The following GFRAL variants were observed in gnomAD, a reference collection of about 807,000 sequenced individuals.
The protein encoded by GFRAL is GDNF family receptor alpha like.
Under a neutral mutation model 45.4 loss-of-function variants are expected in GFRAL, and 36 were observed. That is an observed-to-expected ratio of 0.79 (90% CI 0.61 to 1.05). The LOEUF (loss-of-function observed/expected upper bound fraction) is 1.05, where lower values mean the gene tolerates loss of function less well. Among genes scored for constraint, GFRAL ranks in the 50% least tolerant of loss-of-function variants. GFRAL has a pLI of 0.00. For missense variants in GFRAL, 507 were observed against 467.5 expected (o/e 1.08, Z -0.78); for synonymous variants, 166 against 154.1 (o/e 1.08, Z -0.57).
chr6:55,380,994 C>T (rs1010230146), intron 6 of GFRAL, among the ~76,000 whole-genome samples: 11 of 151,968 alleles, frequency 7.2e-5, no homozygotes, highest in Non-Finnish European at 1.6e-4. Flanking sequence ...TTAATAAAAA[C>T]ATTTCAAGCT....
At chr6:55,346,952 T>A (rs944997960) in intron 3 of GFRAL, among the ~76,000 whole-genome samples, 1 of 151,978 alleles carries the variant, frequency 6.6e-6, no homozygotes, top group African/African-American at 2.4e-5. Flanking sequence ...ATTAATTTTT[T>A]AATTTGTTGG....
chr6:55,338,946 A>G (rs913598805), intron 3 of GFRAL, among the ~76,000 whole-genome samples: 2 of 152,182 alleles, frequency 1.3e-5, no homozygotes, highest in African/African-American at 4.8e-5. Flanking sequence ...CTCAAAAGTT[A>G]TCACAGGCAA....
At chr6:55,372,706 G>A (rs555739660) in intron 6 of GFRAL, among the ~76,000 whole-genome samples, 4 of 152,176 alleles carry the variant, frequency 2.6e-5, no homozygotes, top group South Asian at 2.1e-4. Context: ...TCAGTCACAC[G>A]GCCACACTTA....
chr6:55,371,470 C>T (rs1266521826), intron 6 of GFRAL, among the ~76,000 whole-genome samples: 3 of 151,234 alleles, frequency 2.0e-5, no homozygotes, highest in Non-Finnish European at 4.4e-5. Flanking sequence ...CATCTAGGAC[C>T]TACAGAAAAA....
At position 55,402,141 on chromosome 6, in the gene GFRAL, C is replaced by A; in HGVS notation, c.*288C>A. The A allele has an allele frequency of 4.3e-6, 1 of 233,006 alleles. No individual in the cohort carries two copies. Among genetic ancestry groups the A allele is most frequent in the Non-Finnish European group, 8.2e-6 (1 of 122,130 alleles). The allele number at this position is 233,006 out of a possible 1,614,324, so 14.4% of individuals were successfully genotyped here. A position where few individuals can be genotyped will look rare whatever the true frequency, so the allele number is the denominator to read the frequency against. On this transcript the variant is annotated 3_prime_UTR_variant, in exon 9 of 9. Coordinates refer to ENST00000340465, the MANE Select transcript of GFRAL (RefSeq NM_207410.2). Reference sequence around the variant, plus strand: ...TACAGGTACCCGCCACCACGCCCAGCTAATTTTTTTGTATTTTTAGTAGAG... The same window carrying A: ...TACAGGTACCCGCCACCACGCCCAGATAATTTTTTTGTATTTTTAGTAGAG...
At chr6:55,332,544 C>T (rs142827135) in intron 2 of GFRAL, among the ~76,000 whole-genome samples, 1,985 of 152,100 alleles carry the variant, frequency 0.013, 23 homozygotes, top group Non-Finnish European at 0.022. Flanking sequence ...CTGCCTCAGC[C>T]TCCAGAGTAG....
At chr6:55,333,350 T>A (rs1345124897) in intron 2 of GFRAL, among the ~76,000 whole-genome samples, 2 of 152,238 alleles carry the variant, frequency 1.3e-5, no homozygotes, top group Non-Finnish European at 1.5e-5. Flanking sequence ...ACCACATAAT[T>A]TTTAATGATA....
Position 55,327,574 on chromosome 6 carries a change from T to G in GFRAL, c.20T>G (p.Leu7Trp). 1 of 1,612,850 alleles carries G rather than the reference T, an allele frequency of 6.2e-7. No homozygotes were observed. The highest frequency in any genetic ancestry group is 1.1e-5 in the South Asian group (1 of 91,026). The change falls in exon 1 of 9, where the codon TTG becomes TGG. Residue 7 changes from leucine (L) to tryptophan (W), a missense_variant and splice_region_variant. Physicochemically the swap from Leu to Trp is moderately conservative, Grantham distance 61 (BLOSUM62 -2). Coordinates refer to ENST00000340465, the MANE Select transcript of GFRAL (RefSeq NM_207410.2). ...TCCAGCATGATAGTGTTTATTTTCTTGGGTAAGTGAATGGTGCTTCTGGTT... is the reference window on the plus strand; with the variant it reads ...TCCAGCATGATAGTGTTTATTTTCTGGGGTAAGTGAATGGTGCTTCTGGTT... MIVFIF[L>W]AMGLSLENEY...
Position 55,402,043 on chromosome 6 carries a change from CT to C in GFRAL, c.*191del, listed in dbSNP as rs1403349558. On this transcript the variant is annotated 3_prime_UTR_variant, in exon 9 of 9. Coordinates refer to ENST00000340465, the MANE Select transcript of GFRAL (RefSeq NM_207410.2). The stretch of plus-strand genomic sequence containing the variant: ...CCAGGCTGCAGTACAATGGCTCAAT[CT>C]CGGTTCACTGCAACCTCTGCCTCCA... 1.1e-5 allele frequency: 5 copies of C among 456,240 alleles called. No individual in the cohort carries two copies. The highest frequency in any genetic ancestry group is 1.5e-5 in the Non-Finnish European group (4 of 261,434). The allele number at this position is 456,240 out of a possible 1,614,324, so 28.3% of individuals were successfully genotyped here.
chr6:55,392,314 T>A (rs1768763789), intron 6 of GFRAL, among the ~76,000 whole-genome samples: 1 of 152,208 alleles, frequency 6.6e-6, no homozygotes, highest in Admixed American at 6.5e-5. Flanking sequence ...TTTATGAATA[T>A]CTCTCCATAT....
intron 6 of GFRAL, among the ~76,000 whole-genome samples, chr6:55,388,021 G>A (rs1265195272): frequency 1.3e-5 from 2 of 152,018 alleles, no homozygotes; most frequent in African/African-American, 2.4e-5. Flanking sequence ...GTGGTGTTTC[G>A]AGCCTCTGTG....
Position 55,328,031 on chromosome 6 carries a change from T to G in GFRAL, c.22+455T>G, listed in dbSNP as rs180680669. ...ATTAATTTAAAACATTCAATTTACC[T>G]ACAGTGTTAATATTTGCTAACTAGA... On this transcript the variant is annotated intron_variant, in intron 1 of 8. Transcript: ENST00000340465. 3.8e-4 allele frequency among the ~76,000 whole-genome samples: 58 copies of G among 152,132 alleles called. 1 individual carries two copies. The East Asian group carries it at 0.011, about 28-fold the overall frequency.
intron 3 of GFRAL, among the ~76,000 whole-genome samples, chr6:55,345,402 C>T (rs1256733485): frequency 2.6e-5 from 4 of 152,092 alleles, no homozygotes; most frequent in African/African-American, 9.7e-5. Context: ...CATCTACAAC[C>T]ATCTGATCTT....
At chr6:55,342,872 C>T (rs1767988064) in intron 3 of GFRAL, among the ~76,000 whole-genome samples, 1 of 152,004 alleles carries the variant, frequency 6.6e-6, no homozygotes, top group South Asian at 2.1e-4. Context: ...GCAGGGGTTG[C>T]AATCCTAGTC....
intron 6 of GFRAL, among the ~76,000 whole-genome samples, chr6:55,363,134 A>G (rs554776179): frequency 0.037 from 641 of 17,202 alleles, 5 homozygotes; most frequent in African/African-American, 0.24. Context: ...TAGCAATACA[A>G]AAAAAAAAGC....
In GFRAL at chr6:55,387,298, T is replaced by A. The variant is rs529874459; in HGVS notation, c.953-11882T>A. ...TCCATTTTCCACCCTTATATTTTCA[T>A]TGGCTTCATACAATCCTCTTGTTGC... On this transcript the variant is annotated intron_variant, in intron 6 of 8. Coordinates refer to ENST00000340465, the MANE Select transcript of GFRAL (RefSeq NM_207410.2). Among the ~76,000 whole-genome samples the A allele has an allele frequency of 5.3e-5, 8 of 152,222 alleles. No homozygotes were observed. In the East Asian group the frequency reaches 5.8e-4, roughly 11 times the overall value.
chr6:55,391,463 A>T (rs1367396331), intron 6 of GFRAL, among the ~76,000 whole-genome samples: 1 of 152,214 alleles, frequency 6.6e-6, no homozygotes, highest in Non-Finnish European at 1.5e-5. Flanking sequence ...CACTTTAAAG[A>T]CAAAGGGCTA....
intron 6 of GFRAL, among the ~76,000 whole-genome samples, chr6:55,364,498 C>T (rs1417118797): frequency 1.4e-5 from 2 of 144,614 alleles, no homozygotes; most frequent in African/African-American, 5.4e-5. Flanking sequence ...GTGCTTTAGA[C>T]ATGAAGTCCT....
intron 3 of GFRAL, among the ~76,000 whole-genome samples, chr6:55,342,801 A>C (rs966628632): frequency 7.2e-5 from 11 of 152,282 alleles, no homozygotes; most frequent in Non-Finnish European, 1.2e-4. Context: ...GCAGAGACAC[A>C]CATAGGCTCA....
Sources: gnomAD v4.1 joint callset for allele counts (sites outside exome capture counted in the v4.1 genomes callset) on GRCh38, gnomAD v4.1.1 for gene constraint, MANE v1.5 for transcripts, NCBI Gene and HGNC (gene_info 2026-07-23, HGNC 2026-07-21) for gene names.